The following GRIK2 variants were observed in gnomAD, a reference collection of about 807,000 sequenced individuals.
GRIK2 encodes the protein glutamate receptor ionotropic, kainate 2.
GRIK2 carries 32 observed loss-of-function variants against 100.3 expected under a neutral mutation model. That is an observed-to-expected ratio of 0.32 (90% CI 0.24 to 0.43). The LOEUF is 0.43. GRIK2 is among the 20% of genes least tolerant of loss of function. The probability of loss-of-function intolerance (pLI) is 1.00; values close to 1 mark genes in which losing one functional copy is unlikely to be tolerated. For synonymous variants in GRIK2, 417 were observed against 389.4 expected (o/e 1.07, Z -0.83); for missense variants, 843 against 1,114.9 (o/e 0.76, Z 3.47).
chr6:101,992,134 T>A (rs1425111366), intron 14 of GRIK2, among the ~76,000 whole-genome samples: 1 of 151,512 alleles, frequency 6.6e-6, no homozygotes, highest in African/African-American at 2.4e-5. Context: ...TTAATATTTA[T>A]GTTAATTAAG....
chr6:101,860,100 G>A (rs1002000683), intron 11 of GRIK2, among the ~76,000 whole-genome samples: 4 of 151,754 alleles, frequency 2.6e-5, no homozygotes, highest in Admixed American at 1.3e-4. Context: ...AGCATACAGG[G>A]TTTGGTATGA....
chr6:101,888,577 A>G (rs1786823945), intron 11 of GRIK2, among the ~76,000 whole-genome samples: 1 of 152,128 alleles, frequency 6.6e-6, no homozygotes, highest in African/African-American at 2.4e-5. Flanking sequence ...TACTCTTTCC[A>G]AGCATTTCAA....
intron 14 of GRIK2, among the ~76,000 whole-genome samples, chr6:101,978,032 T>C (rs1793499373): frequency 6.6e-6 from 1 of 151,906 alleles, no homozygotes; most frequent in South Asian, 2.1e-4. Context: ...ATGTAAAAAA[T>C]CTTAAAATCA....
In GRIK2 at chr6:101,928,236, A is replaced by G. The variant is rs541798717; in HGVS notation, c.1868-179A>G. The stretch of plus-strand genomic sequence containing the variant: ...ACAAGAATGTCCTAAAAGATTGTCT[A>G]TTTTCTGAAAATAGCCTCTGCTTTC... On this transcript the variant is annotated intron_variant, in intron 13 of 16. Transcript: ENST00000369134. 116 of 595,630 alleles carry G rather than the reference A, an allele frequency of 1.9e-4. No homozygotes were observed. The East Asian group carries it at 2.8e-3, about 14-fold the overall frequency. The allele number at this position is 595,630 out of a possible 1,614,324, so 36.9% of individuals were successfully genotyped here. A position where few individuals can be genotyped will look rare whatever the true frequency, so the allele number is the denominator to read the frequency against.
intron 12 of GRIK2, among the ~76,000 whole-genome samples, chr6:101,921,919 A>C (rs550521430): frequency 6.6e-6 from 1 of 152,116 alleles, no homozygotes; most frequent in African/African-American, 2.4e-5. Context: ...CAGTTTAAGA[A>C]AAAAAGCAGA....
intron 2 of GRIK2, among the ~76,000 whole-genome samples, chr6:101,506,698 C>T (rs1774041627): frequency 6.6e-6 from 1 of 152,062 alleles, no homozygotes; most frequent in Non-Finnish European, 1.5e-5. Flanking sequence ...ATACTGTTAG[C>T]TCATGAAGTA....
intron 16 of GRIK2, among the ~76,000 whole-genome samples, chr6:102,067,180 G>A (rs976842432): frequency 6.6e-6 from 1 of 151,710 alleles, no homozygotes; most frequent in Non-Finnish European, 1.5e-5. Context: ...GTGTTTTGAT[G>A]TATATATACA....
intron 2 of GRIK2, among the ~76,000 whole-genome samples, chr6:101,618,449 T>C (rs1779998849): frequency 6.6e-6 from 1 of 151,822 alleles, no homozygotes; most frequent in Non-Finnish European, 1.5e-5. Flanking sequence ...CTCCAAATAC[T>C]GCTAAAACAT....
At chr6:101,843,901 C>T (rs1006586955) in intron 10 of GRIK2, among the ~76,000 whole-genome samples, 1 of 152,126 alleles carries the variant, frequency 6.6e-6, no homozygotes, top group African/African-American at 2.4e-5. Context: ...CATATACTTA[C>T]CTATTTACTT....
At chr6:101,560,295 TATG>T (rs1395541356) in intron 2 of GRIK2, among the ~76,000 whole-genome samples, 3 of 152,138 alleles carry the variant, frequency 2.0e-5, no homozygotes, top group Admixed American at 6.5e-5. Context: ...TTTTATAACA[TATG>T]ATAAGAATTG....
intron 2 of GRIK2, among the ~76,000 whole-genome samples, chr6:101,563,390 AC>A (rs576850167): frequency 3.4e-3 from 511 of 152,334 alleles, no homozygotes; most frequent in Non-Finnish European, 6.0e-3. Flanking sequence ...TTTCCAAAAA[AC>A]ATCTTAATAA....
chr6:101,407,270 C>G (rs1219641476), intron 2 of GRIK2, among the ~76,000 whole-genome samples: 1 of 152,030 alleles, frequency 6.6e-6, no homozygotes, highest in East Asian at 1.9e-4. Flanking sequence ...TGAATGAAAA[C>G]TATAGAATCC....
chr6:101,742,902 C>G (rs1342570574), intron 7 of GRIK2, among the ~76,000 whole-genome samples: 2 of 152,128 alleles, frequency 1.3e-5, no homozygotes, highest in African/African-American at 4.8e-5. Flanking sequence ...AACCGTCTCT[C>G]AGGTTAAATT....
chr6:101,698,655 C>A (rs1406772036), intron 7 of GRIK2, among the ~76,000 whole-genome samples: 1 of 151,952 alleles, frequency 6.6e-6, no homozygotes, highest in African/African-American at 2.4e-5. Flanking sequence ...TACTGAACAT[C>A]TACTCTATGC....
chr6:102,004,027 T>TTTAA (rs1180404121), intron 14 of GRIK2, among the ~76,000 whole-genome samples: 3 of 151,580 alleles, frequency 2.0e-5, no homozygotes, highest in Non-Finnish European at 3.0e-5. Context: ...GTAAGCTTTC[T>TTTAA]TTAATTTTAA....
At chr6:101,532,967 A>C (rs957367066) in intron 2 of GRIK2, among the ~76,000 whole-genome samples, 1 of 151,860 alleles carries the variant, frequency 6.6e-6, no homozygotes, top group African/African-American at 2.4e-5. Flanking sequence ...AAAAGAAAGG[A>C]TGAAAAAGAC....
chr6:101,599,676 T>C (rs1313304767), intron 2 of GRIK2, among the ~76,000 whole-genome samples: 1 of 151,926 alleles, frequency 6.6e-6, no homozygotes, highest in Non-Finnish European at 1.5e-5. Flanking sequence ...TGAGCTTTTT[T>C]TCATATGCTT....
chr6:101,854,995 C>T (rs970616444), intron 10 of GRIK2, among the ~76,000 whole-genome samples: 1 of 152,008 alleles, frequency 6.6e-6, no homozygotes, highest in Non-Finnish European at 1.5e-5. Flanking sequence ...TAACTTGAGC[C>T]TTAAAGGAAG....
rs548055435 is a variant in GRIK2 at position 102,064,203 on chromosome 6, T to C, written c.2563-4144T>C. On this transcript the variant is annotated intron_variant, in intron 16 of 16. Coordinates refer to ENST00000369134, the MANE Select transcript of GRIK2 (RefSeq NM_021956.5). Reference sequence around the variant, plus strand: ...CTAAATAGTGATTTTAAAAGCAAGATAGTTGTCTTTCTCTTTCTTCTTCCC... The same window carrying C: ...CTAAATAGTGATTTTAAAAGCAAGACAGTTGTCTTTCTCTTTCTTCTTCCC... Among the ~76,000 whole-genome samples, 12 of 151,018 alleles carry C rather than the reference T, an allele frequency of 7.9e-5. No homozygotes were observed. The East Asian group carries it at 2.3e-3, about 29-fold the overall frequency.
Sources: allele counts gnomAD v4.1 joint callset (sites outside exome capture counted in the v4.1 genomes callset), GRCh38; gene constraint gnomAD v4.1.1; transcripts MANE v1.5; gene names NCBI Gene and HGNC (gene_info 2026-07-23, HGNC 2026-07-21).